KCNQ5: variants seen among roughly 807,000 people sequenced by gnomAD.
KCNQ5 encodes the protein potassium voltage-gated channel subfamily Q member 5.
A neutral mutation model predicts 98.2 loss-of-function variants in KCNQ5; 30 were observed. The ratio of observed to expected loss-of-function variants is 0.31; its 90% CI spans 0.23 to 0.41. The LOEUF is 0.41. Among genes scored for constraint, KCNQ5 ranks in the 10% least tolerant of loss-of-function variants. The probability of loss-of-function intolerance (pLI) is 1.00; values close to 1 mark genes in which losing one functional copy is unlikely to be tolerated. For missense variants in KCNQ5, 835 were observed against 1,182.5 expected (o/e 0.71, Z 4.31); for synonymous variants, 458 against 449.4 (o/e 1.02, Z -0.24).
intron 1 of KCNQ5, among the ~76,000 whole-genome samples, chr6:72,761,986 G>A (rs1453588513): frequency 6.6e-6 from 1 of 152,002 alleles, no homozygotes; most frequent in African/African-American, 2.4e-5. Context: ...TGGCTAAGAG[G>A]CCTGTGTAGA....
chr6:72,758,747 G>A (rs898911439), intron 1 of KCNQ5, among the ~76,000 whole-genome samples: 2 of 152,216 alleles, frequency 1.3e-5, no homozygotes, highest in South Asian at 2.1e-4. Flanking sequence ...TATTTAGACT[G>A]TGCATTCTGT....
intron 1 of KCNQ5, among the ~76,000 whole-genome samples, chr6:72,998,383 A>G (rs1329139701): frequency 2.6e-5 from 4 of 152,306 alleles, no homozygotes; most frequent in East Asian, 1.9e-4. Flanking sequence ...TTCTTAAAAT[A>G]TTCTATATCT....
intron 1 of KCNQ5, chr6:72,987,884 C>G: frequency 3.3e-6 from 1 of 306,304 alleles, no homozygotes; most frequent in South Asian, 4.4e-5. Context: ...AAATAACTCC[C>G]ATAAACTTAG....
chr6:72,713,979 C>A (rs1363736608), intron 1 of KCNQ5, among the ~76,000 whole-genome samples: 1 of 152,186 alleles, frequency 6.6e-6, no homozygotes, highest in African/African-American at 2.4e-5. Flanking sequence ...ATTTCCCTAA[C>A]TGGAATGAGT....
intron 9 of KCNQ5, among the ~76,000 whole-genome samples, chr6:73,127,714 G>A (rs1776048311): frequency 1.3e-5 from 2 of 152,168 alleles, no homozygotes; most frequent in Non-Finnish European, 2.9e-5. Context: ...TGCCTACGAT[G>A]TCTTGGGCTA....
At chr6:72,757,934 AT>A (rs1477264956) in intron 1 of KCNQ5, among the ~76,000 whole-genome samples, 1 of 152,064 alleles carries the variant, frequency 6.6e-6, no homozygotes, top group Non-Finnish European at 1.5e-5. Flanking sequence ...TGTGAGAGAT[AT>A]TTATTTGCCA....
chr6:73,029,883 C>G (rs1035106376), intron 2 of KCNQ5, among the ~76,000 whole-genome samples: 2 of 120,110 alleles, frequency 1.7e-5, no homozygotes, highest in East Asian at 4.7e-4. Flanking sequence ...TGCACTCCAG[C>G]GACAGAGCCA....
At chr6:72,806,193 T>C (rs566426366) in intron 1 of KCNQ5, among the ~76,000 whole-genome samples, 1 of 152,270 alleles carries the variant, frequency 6.6e-6, no homozygotes, top group South Asian at 2.1e-4. Context: ...CTGGGGTGGA[T>C]TGGGATCCTC....
intron 3 of KCNQ5, among the ~76,000 whole-genome samples, chr6:73,048,722 T>A (rs1196355959): frequency 1.3e-5 from 2 of 152,220 alleles, no homozygotes; most frequent in Non-Finnish European, 2.9e-5. Flanking sequence ...AATAATCCTC[T>A]GAATTTTGTT....
chr6:73,019,914 C>T (rs1363790645), intron 2 of KCNQ5, among the ~76,000 whole-genome samples: 3 of 152,070 alleles, frequency 2.0e-5, no homozygotes. Flanking sequence ...ATCATTCTGT[C>T]TTTTCCTATT....
At chr6:72,833,518 C>A (rs1776375696) in intron 1 of KCNQ5, among the ~76,000 whole-genome samples, 2 of 152,064 alleles carry the variant, frequency 1.3e-5, no homozygotes, top group South Asian at 4.1e-4. Context: ...TATTTCTTAC[C>A]TGAAAAATGT....
At chr6:72,859,556 C>G (rs999243142) in intron 1 of KCNQ5, among the ~76,000 whole-genome samples, 1 of 151,780 alleles carries the variant, frequency 6.6e-6, no homozygotes, top group African/African-American at 2.4e-5. Flanking sequence ...TGTCTTGTGC[C>G]TGCTTCCCTC....
At chr6:73,112,162 T>G (rs1187188742) in intron 7 of KCNQ5, among the ~76,000 whole-genome samples, 2 of 151,978 alleles carry the variant, frequency 1.3e-5, no homozygotes, top group Non-Finnish European at 1.5e-5. Flanking sequence ...TGACATTTAG[T>G]TATGGACAAA....
chr6:72,698,648 CTTTTTTT>C (rs753567095), intron 1 of KCNQ5, among the ~76,000 whole-genome samples: 15 of 94,014 alleles, frequency 1.6e-4, no homozygotes, highest in African/African-American at 3.2e-4. Flanking sequence ...TCTTCTTCTT[CTTTTTTT>C]TTTTTTTTTT....
At chr6:72,792,961 A>G (rs901017476) in intron 1 of KCNQ5, among the ~76,000 whole-genome samples, 1 of 152,192 alleles carries the variant, frequency 6.6e-6, no homozygotes, top group African/African-American at 2.4e-5. Context: ...TCTCCATGGG[A>G]ATAGAATGTA....
At chr6:72,902,314 T>C (rs768847224) in intron 1 of KCNQ5, among the ~76,000 whole-genome samples, 11 of 152,148 alleles carry the variant, frequency 7.2e-5, no homozygotes, top group Non-Finnish European at 1.2e-4. Flanking sequence ...TCCTCTTTAA[T>C]GATTTGGATG....
chr6:72,985,744 T>C (rs1008977967), intron 1 of KCNQ5, among the ~76,000 whole-genome samples: 1 of 152,120 alleles, frequency 6.6e-6, no homozygotes, highest in Non-Finnish European at 1.5e-5. Flanking sequence ...TGGAAAGCAG[T>C]TTAGAGATTT....
At chr6:72,703,588 C>G (rs1340044197) in intron 1 of KCNQ5, among the ~76,000 whole-genome samples, 1 of 152,216 alleles carries the variant, frequency 6.6e-6, no homozygotes, top group Non-Finnish European at 1.5e-5. Context: ...CCAAGGTACA[C>G]AGACATAAAT....
At chr6:73,074,624 G>A (rs1016832766) in intron 3 of KCNQ5, among the ~76,000 whole-genome samples, 3 of 151,884 alleles carry the variant, frequency 2.0e-5, no homozygotes, top group East Asian at 1.9e-4. Context: ...CTAACAAACC[G>A]ATAGCTGAGT....
Sources: gnomAD v4.1 joint callset for allele counts (sites outside exome capture counted in the v4.1 genomes callset) on GRCh38, gnomAD v4.1.1 for gene constraint, MANE v1.5 for transcripts, NCBI Gene and HGNC (gene_info 2026-07-23, HGNC 2026-07-21) for gene names.